The following NRXN3 variants were observed in gnomAD, a reference collection of about 807,000 sequenced individuals.
NRXN3 encodes neurexin 3.
NRXN3 carries 32 observed loss-of-function variants against 137.6 expected under a neutral mutation model. The ratio of observed to expected loss-of-function variants is 0.23; its 90% confidence interval spans 0.18 to 0.31. The LOEUF is 0.31. Among genes scored for constraint, NRXN3 ranks in the 10% least tolerant of loss-of-function variants. The pLI, the probability that NRXN3 is intolerant of heterozygous loss-of-function variation, is 1.00. For synonymous variants in NRXN3, 798 were observed against 784.5 expected (o/e 1.02, Z -0.29); for missense variants, 1,574 against 2,062.5 (o/e 0.76, Z 4.59).
intron 10 of NRXN3, among the ~76,000 whole-genome samples, chr14:78,867,827 A>T (rs1509149): frequency 0.02 from 3,009 of 152,112 alleles, 47 homozygotes; most frequent in South Asian, 0.062. Context: ...AAGCATAAAA[A>T]TACCCAGATT....
chr14:78,585,461 A>G (rs1479360590), intron 4 of NRXN3, among the ~76,000 whole-genome samples: 1 of 152,224 alleles, frequency 6.6e-6, no homozygotes, highest in Non-Finnish European at 1.5e-5. Context: ...GCTCTGATTT[A>G]TACTGTTAAA....
At chr14:78,427,105 T>C (rs2093693423) in intron 4 of NRXN3, among the ~76,000 whole-genome samples, 2 of 151,948 alleles carry the variant, frequency 1.3e-5, no homozygotes, top group Admixed American at 6.6e-5. Flanking sequence ...TAAGGGCAAG[T>C]CTAGGAGTTC....
At chr14:79,483,698 A>AT (rs750616083) in intron 16 of NRXN3, among the ~76,000 whole-genome samples, 2 of 152,164 alleles carry the variant, frequency 1.3e-5, no homozygotes, top group Non-Finnish European at 2.9e-5. Flanking sequence ...GCACTGTGAC[A>AT]TCTTTATGCT....
intron 15 of NRXN3, among the ~76,000 whole-genome samples, chr14:79,356,081 T>G (rs1396343092): frequency 6.6e-6 from 1 of 152,206 alleles, no homozygotes; most frequent in Non-Finnish European, 1.5e-5. Flanking sequence ...TTTGTATTTT[T>G]TTTCCATAGC....
intron 15 of NRXN3, among the ~76,000 whole-genome samples, chr14:79,033,265 C>G (rs2099610754): frequency 6.6e-6 from 1 of 152,054 alleles, no homozygotes; most frequent in Non-Finnish European, 1.5e-5. Context: ...TTGTTTGCTT[C>G]CCTATTCTTC....
intron 16 of NRXN3, among the ~76,000 whole-genome samples, chr14:79,638,251 C>A (rs2098415716): frequency 6.6e-6 from 1 of 152,086 alleles, no homozygotes; most frequent in Non-Finnish European, 1.5e-5. Flanking sequence ...TGCTCCTTTC[C>A]TTTGTTGTTG....
chr14:78,706,874 G>A (rs1280043676), intron 6 of NRXN3, among the ~76,000 whole-genome samples: 1 of 152,154 alleles, frequency 6.6e-6, no homozygotes, highest in East Asian at 1.9e-4. Flanking sequence ...ATTCTCTCCT[G>A]GTGATGAGAG....
chr14:78,552,459 C>A (rs7147675), intron 4 of NRXN3, among the ~76,000 whole-genome samples: 35,770 of 152,044 alleles, frequency 0.24, 4,500 homozygotes, highest in Middle Eastern at 0.31. Flanking sequence ...CTGCCTCTAA[C>A]TGTGGTCATG....
chr14:78,395,825 T>C (rs1041501200), intron 4 of NRXN3, among the ~76,000 whole-genome samples: 2 of 152,184 alleles, frequency 1.3e-5, no homozygotes, highest in Admixed American at 6.5e-5. Context: ...TTTGATTATC[T>C]TTGTGTGATT....
At chr14:79,029,238 G>T (rs978996422) in intron 15 of NRXN3, among the ~76,000 whole-genome samples, 18 of 152,000 alleles carry the variant, frequency 1.2e-4, no homozygotes, top group African/African-American at 3.6e-4. Context: ...TTGCCCCAGG[G>T]TATCAAAAGA....
intron 16 of NRXN3, among the ~76,000 whole-genome samples, chr14:79,474,980 C>T (rs2096547146): frequency 6.6e-6 from 1 of 152,078 alleles, no homozygotes; most frequent in African/African-American, 2.4e-5. Flanking sequence ...TGGTTTTAGA[C>T]TCTCCTTGGG....
chr14:78,654,886 C>A (rs1454852149), intron 6 of NRXN3, among the ~76,000 whole-genome samples: 2 of 152,152 alleles, frequency 1.3e-5, no homozygotes, highest in African/African-American at 4.8e-5. Flanking sequence ...GTACTATTGA[C>A]CACTTGACTT....
chr14:78,228,331 A>T (rs1475233196), intron 1 of NRXN3, among the ~76,000 whole-genome samples: 2 of 151,860 alleles, frequency 1.3e-5, no homozygotes, highest in African/African-American at 4.8e-5. Context: ...TAATTTTGGC[A>T]TTTTTACTAG....
chr14:79,751,484 G>T (rs2098997365), intron 19 of NRXN3, among the ~76,000 whole-genome samples: 1 of 150,144 alleles, frequency 6.7e-6, no homozygotes. Flanking sequence ...GAGACAATGG[G>T]GTTTTCTAGA....
chr14:79,182,107 A>C (rs1342533105), intron 15 of NRXN3, among the ~76,000 whole-genome samples: 1 of 152,052 alleles, frequency 6.6e-6, no homozygotes, highest in African/African-American at 2.4e-5. Flanking sequence ...GATCAATATC[A>C]TGTTTAATTT....
chr14:79,710,044 G>GTTATGATTGTTGTCCTTTA (rs1555651010), intron 19 of NRXN3, among the ~76,000 whole-genome samples: 1 of 152,036 alleles, frequency 6.6e-6, no homozygotes, highest in Non-Finnish European at 1.5e-5. Flanking sequence ...TGGGGTTTTT[G>GTTATGATTGTTGTCCTTTA]TTATGATTGT....
chr14:79,598,404 C>A (rs947660759), intron 16 of NRXN3, among the ~76,000 whole-genome samples: 3 of 152,160 alleles, frequency 2.0e-5, no homozygotes, highest in African/African-American at 7.2e-5. Context: ...CTGTTTTGTG[C>A]TCTAATCACC....
chr14:79,282,312 G>A (rs1656898186), intron 15 of NRXN3, among the ~76,000 whole-genome samples: 1 of 152,174 alleles, frequency 6.6e-6, no homozygotes, highest in African/African-American at 2.4e-5. Context: ...AATGCTCAGA[G>A]ATTAGCTAAA....
intron 15 of NRXN3, among the ~76,000 whole-genome samples, chr14:79,243,128 T>A (rs1284251742): frequency 6.6e-6 from 1 of 152,132 alleles, no homozygotes; most frequent in Non-Finnish European, 1.5e-5. Flanking sequence ...CAGCAAACAT[T>A]TATTATGACT....
Sources: gnomAD v4.1 joint callset for allele counts (sites outside exome capture counted in the v4.1 genomes callset) on GRCh38, gnomAD v4.1.1 for gene constraint, MANE v1.5 for transcripts, NCBI Gene and HGNC (gene_info 2026-07-23, HGNC 2026-07-21) for gene names.